NRXN1: variants seen among roughly 807,000 people sequenced by gnomAD.
NRXN1 encodes neurexin 1.
A neutral mutation model predicts 150.9 loss-of-function variants in NRXN1; 39 were observed. The observed-to-expected ratio is 0.26, with a 90% CI of 0.20 to 0.34. The LOEUF (loss-of-function observed/expected upper bound fraction) is 0.34. Among genes scored for constraint, NRXN1 ranks in the 10% least tolerant of loss-of-function variants. NRXN1 has a pLI of 1.00. For missense variants in NRXN1, 1,815 were observed against 1,949.9 expected, an observed-to-expected ratio of 0.93 and a Z score of 1.30; for synonymous variants, 924 against 757.0, an observed-to-expected ratio of 1.22 and a Z score of -3.62.
intron 5 of NRXN1, among the ~76,000 whole-genome samples, chr2:50,649,280 AC>A (rs1685258962): frequency 6.6e-6 from 1 of 151,478 alleles, no homozygotes; most frequent in Non-Finnish European, 1.5e-5. Context: ...ACACACACAC[AC>A]ACACACACAC....
intron 15 of NRXN1, among the ~76,000 whole-genome samples, chr2:50,495,218 A>G (rs2091497992): frequency 2.0e-5 from 3 of 152,188 alleles, no homozygotes; most frequent in Admixed American, 6.5e-5. Context: ...TAGAAACTTC[A>G]GTCATTTCTC....
chr2:50,175,583 A>C (rs1234585206), intron 18 of NRXN1, among the ~76,000 whole-genome samples: 2 of 152,002 alleles, frequency 1.3e-5, no homozygotes, highest in Admixed American at 1.3e-4. Context: ...ATATATGTGG[A>C]TAGAATATAC....
At position 50,086,239 on chromosome 2, in the gene NRXN1, G is replaced by A. The variant is rs146056847; in HGVS notation, c.3718+5084C>T. The stretch of plus-strand genomic sequence containing the variant: ...CCCTGCAATCTCTAAATAATAGAGT[G>A]ACTTAAATAAATAATAAATTACTGA... On this transcript the variant is annotated intron_variant, in intron 19 of 22. Coordinates refer to ENST00000401669, the MANE Select transcript of NRXN1 (RefSeq NM_001330078.2). Among the ~76,000 whole-genome samples, 413 of 152,218 alleles carry A rather than the reference G, an allele frequency of 2.7e-3. 5 individuals are homozygous for A. The highest frequency in any genetic ancestry group is 0.015 in the Admixed American group (232 of 15,284).
At chr2:49,948,148 T>G (rs1312697433) in intron 21 of NRXN1, among the ~76,000 whole-genome samples, 3 of 152,038 alleles carry the variant, frequency 2.0e-5, no homozygotes, top group African/African-American at 7.2e-5. Flanking sequence ...AAAAACTGCT[T>G]CTTAAAAAAA....
chr2:50,165,268 G>T (rs1173457449), intron 18 of NRXN1, among the ~76,000 whole-genome samples: 1 of 152,174 alleles, frequency 6.6e-6, no homozygotes, highest in Non-Finnish European at 1.5e-5. Flanking sequence ...GCTGCTTATA[G>T]AAAGTACGGT....
At chr2:49,945,751 T>C (rs1380498488) in intron 21 of NRXN1, among the ~76,000 whole-genome samples, 1 of 152,226 alleles carries the variant, frequency 6.6e-6, no homozygotes, top group Non-Finnish European at 1.5e-5. Flanking sequence ...TATTCCATGG[T>C]GTATATGTGC....
At chr2:50,431,117 C>T (rs1257513936) in intron 17 of NRXN1, among the ~76,000 whole-genome samples, 1 of 152,170 alleles carries the variant, frequency 6.6e-6, no homozygotes, top group Non-Finnish European at 1.5e-5. Context: ...CCCCTTTCTA[C>T]CTGATCTGAT....
At chr2:50,911,686 T>C (rs1487858691) in intron 5 of NRXN1, among the ~76,000 whole-genome samples, 1 of 151,948 alleles carries the variant, frequency 6.6e-6, no homozygotes, top group Non-Finnish European at 1.5e-5. Context: ...CTTGTCTGGA[T>C]CCTTTTTCCA....
intron 18 of NRXN1, among the ~76,000 whole-genome samples, chr2:50,117,986 TTAAA>T (rs1703296552): frequency 6.6e-6 from 1 of 152,132 alleles, no homozygotes; most frequent in African/African-American, 2.4e-5. Flanking sequence ...TGGAAATAAA[TTAAA>T]TAAAGACCTA....
chr2:50,258,522 ACCT>A (rs538242805), intron 17 of NRXN1, among the ~76,000 whole-genome samples: 136 of 152,084 alleles, frequency 8.9e-4, no homozygotes, highest in African/African-American at 3.2e-3. Flanking sequence ...ATCTGTAGTT[ACCT>A]CCTCCACTGA....
At chr2:50,831,141 T>C (rs1306549126) in intron 5 of NRXN1, among the ~76,000 whole-genome samples, 3 of 152,150 alleles carry the variant, frequency 2.0e-5, no homozygotes, top group African/African-American at 7.2e-5. Flanking sequence ...AATTAAGTTA[T>C]TAAAACAAAT....
At chr2:50,459,805 G>C (rs1391892398) in intron 17 of NRXN1, among the ~76,000 whole-genome samples, 1 of 151,868 alleles carries the variant, frequency 6.6e-6, no homozygotes, top group African/African-American at 2.4e-5. Flanking sequence ...ACGGGCTTTT[G>C]GTACATCATT....
At chr2:50,177,687 G>C (rs2060433955) in intron 18 of NRXN1, among the ~76,000 whole-genome samples, 2 of 151,782 alleles carry the variant, frequency 1.3e-5, no homozygotes, top group Admixed American at 1.3e-4. Flanking sequence ...AAGGAAGGAA[G>C]AAGGAAGGAA....
chr2:50,864,099 G>T (rs906440221), intron 5 of NRXN1, among the ~76,000 whole-genome samples: 1 of 151,952 alleles, frequency 6.6e-6, no homozygotes, highest in Non-Finnish European at 1.5e-5. Flanking sequence ...CACACAAAAG[G>T]TCTTAGGTTC....
At chr2:50,237,428 T>C (rs539820511) in intron 17 of NRXN1, among the ~76,000 whole-genome samples, 256 of 152,118 alleles carry the variant, frequency 1.7e-3, no homozygotes, top group African/African-American at 5.9e-3. Flanking sequence ...ACAAATGTGC[T>C]AGGAATGTAA....
chr2:50,829,670 CTGACA>C, intron 5 of NRXN1: 2 of 1,611,588 alleles, frequency 1.2e-6, no homozygotes, highest in Non-Finnish European at 1.7e-6. Context: ...TCATAACAGG[CTGACA>C]CAGCGGAGCG....
intron 5 of NRXN1, among the ~76,000 whole-genome samples, chr2:50,714,418 CTAGGTTGGTGCATGT>C (rs1393736389): frequency 6.6e-5 from 10 of 152,042 alleles, no homozygotes; most frequent in African/African-American, 2.2e-4. Flanking sequence ...CATTTAAAAG[CTAGGTTGGTGCATGT>C]CCAACATCAG....
chr2:49,992,258 G>C (rs1051855198), intron 21 of NRXN1, among the ~76,000 whole-genome samples: 2 of 151,930 alleles, frequency 1.3e-5, no homozygotes, highest in African/African-American at 4.8e-5. Flanking sequence ...AAAACTTTTG[G>C]ACCGGGTGCA....
At chr2:50,207,281 AT>A (rs1437777465) in intron 18 of NRXN1, among the ~76,000 whole-genome samples, 2 of 142,026 alleles carry the variant, frequency 1.4e-5, no homozygotes, top group African/African-American at 5.1e-5. Flanking sequence ...AGAAACTGCT[AT>A]TAAATTGCTG....
Sources: gnomAD v4.1 joint callset for allele counts (sites outside exome capture counted in the v4.1 genomes callset) on GRCh38, gnomAD v4.1.1 for gene constraint, MANE v1.5 for transcripts, NCBI Gene and HGNC (gene_info 2026-07-23, HGNC 2026-07-21) for gene names.